The following GRK1 variants were observed in gnomAD, a reference collection of about 807,000 sequenced individuals.
GRK1 encodes the protein G protein-coupled receptor kinase 1.
In GRK1, 28 loss-of-function variants were observed where a neutral mutation model predicts 41.7. The observed-to-expected ratio is 0.67, with a 90% CI of 0.50 to 0.92. The LOEUF is 0.92. Ranked by LOEUF, GRK1 falls within the 40% of genes least tolerant of loss-of-function variation. The probability of loss-of-function intolerance (pLI) is 0.00; values close to 1 mark genes in which losing one functional copy is unlikely to be tolerated. For synonymous variants in GRK1, 327 were observed against 286.7 expected (o/e 1.14, Z -1.42); for missense variants, 703 against 671.2 (o/e 1.05, Z -0.52).
chr13:113,651,821 C>T, the GRK1 span: 4 of 1,452,432 alleles, frequency 2.8e-6, 1 homozygote, highest in South Asian at 5.3e-5. Flanking sequence ...CTGGCCGGCC[C>T]CAGCCTGGGC....
chr13:113,733,624 T>G (rs529746331), intron 6 of GRK1, among the ~76,000 whole-genome samples: 1 of 150,190 alleles, frequency 6.7e-6, no homozygotes, highest in Non-Finnish European at 1.5e-5. Flanking sequence ...TGTGTGTGCA[T>G]ACGTGTGTGC....
At chr13:113,658,604 G>A in the GRK1 span, among the ~76,000 whole-genome samples, 6 of 152,200 alleles carry the variant, frequency 3.9e-5, no homozygotes, top group South Asian at 2.1e-4. Context: ...TGAGGCAGGC[G>A]AGTGAGGGGC....
the GRK1 span, chr13:113,649,168 G>GT: frequency 8.4e-6 from 4 of 477,090 alleles, no homozygotes; most frequent in Non-Finnish European, 1.4e-5. The surrounding 1 kb of genome is among the most constrained non-coding windows in gnomAD (Gnocchi z 4.7). Flanking sequence ...TCTAAAAACT[G>GT]TAAGAATTCA....
At chr13:113,653,444 G>C in the GRK1 span, 1 of 1,609,850 alleles carries the variant, frequency 6.2e-7, no homozygotes, top group East Asian at 2.2e-5. Context: ...CCTGGAGAGA[G>C]AGACCTTTGT....
rs1170762509 is a variant in GRK1, at chr13:113,733,839, G to A, written c.1396+754G>A. Among the ~76,000 whole-genome samples the A allele has an allele frequency of 8.5e-5, 11 of 129,102 alleles. 1 individual carries two copies. The highest frequency in any genetic ancestry group is 2.6e-4 in the South Asian group (1 of 3,816). The allele number at this position is 129,102 out of a possible 152,430, so 84.7% of individuals were successfully genotyped here. On this transcript the variant is annotated intron_variant, in intron 6 of 6. Coordinates refer to ENST00000335678, the MANE Select transcript of GRK1 (RefSeq NM_002929.3). ...CGTGTGTGCGTGTGTGTGCACGTGC[G>A]TGTGCATGTGTATGTGTGCATACGT...
intron 4 of GRK1, among the ~76,000 whole-genome samples, chr13:113,724,112 C>T (rs2049875144): frequency 6.6e-6 from 1 of 152,154 alleles, no homozygotes; most frequent in Admixed American, 6.5e-5. Context: ...GCTCGCAGCA[C>T]CTGTGGAGGA....
At chr13:113,672,118 C>T (rs1263479561) in intron 3 of GRK1, among the ~76,000 whole-genome samples, 4 of 152,008 alleles carry the variant, frequency 2.6e-5, no homozygotes, top group African/African-American at 9.7e-5. Flanking sequence ...ACACCCTGCG[C>T]CCTCCACCGT....
chr13:113,732,231 A>G (rs1214112849), intron 5 of GRK1, among the ~76,000 whole-genome samples: 1 of 152,088 alleles, frequency 6.6e-6, no homozygotes, highest in Non-Finnish European at 1.5e-5. Flanking sequence ...TCGCCCCCTC[A>G]ATGCCACCTG....
In GRK1 at chr13:113,671,611, G is replaced by C; in HGVS notation, c.940G>C (p.Val314Leu). The C allele has an allele frequency of 3.9e-6, 3 of 771,928 alleles. No individual in the cohort carries two copies. Among genetic ancestry groups the C allele is most frequent in the Non-Finnish European group, 7.2e-6 (3 of 417,764 alleles). 47.8% of individuals were successfully genotyped at this position (771,928 alleles called of 1,614,324 possible). A position where few individuals can be genotyped will look rare whatever the true frequency, so the allele number is the denominator to read the frequency against. The change falls in exon 3 of 7, where the codon GTC becomes CTC. Residue 314 changes from valine (V) to leucine (L), a missense_variant. Coordinates refer to ENST00000335678, the MANE Select transcript of GRK1 (RefSeq NM_002929.3). This position sits in a 1 kb window ranked among gnomAD's most constrained non-coding sequence, Gnocchi z 4.1. ...GLEHLHQRRI[V>L]YRDLKPENVL... is the part of the protein sequence containing the mutation. ...GGAGCACCTGCACCAGAGGCGGATCGTCTACCGCGACCTCAAGCCCGAGAA... is the reference window on the plus strand; with the variant it reads ...GGAGCACCTGCACCAGAGGCGGATCCTCTACCGCGACCTCAAGCCCGAGAA...
rs141102569 is a variant in GRK1, at chr13:113,735,745, T to C, written c.*382T>C. ...TTTTGGCCTCCCAAGACCTTAGCCA[T>C]TGGCTTCCCAGAGCCACGCTCCTCA... On this transcript the variant is annotated 3_prime_UTR_variant, in exon 7 of 7. Transcript: ENST00000335678. 34,328 of 167,812 alleles carry C rather than the reference T, an allele frequency of 0.2. 4,495 individuals carry two copies. Among genetic ancestry groups the C allele is most frequent in the African/African-American group, 0.37 (15,600 of 42,126 alleles). The allele number at this position is 167,812 out of a possible 1,614,324, so 10.4% of individuals were successfully genotyped here.
chr13:113,668,096 C>T lies in GRK1; in HGVS notation c.699+11C>T, dbSNP rs375077035. 53 of 1,592,818 alleles carry T rather than the reference C, an allele frequency of 3.3e-5. No homozygotes were observed. The highest frequency in any genetic ancestry group is 1.1e-4 in the East Asian group (5 of 43,884). On this transcript the variant is annotated intron_variant, in intron 1 of 6. Transcript: ENST00000335678. ...AGGAAGGGCTACCAGGTGAGCAGCGCGACCCGGCCAGCAGGGATGGGGTGG... is the reference window on the plus strand; with the variant it reads ...AGGAAGGGCTACCAGGTGAGCAGCGTGACCCGGCCAGCAGGGATGGGGTGG...
At chr13:113,664,388 A>G (rs143601821), upstream of GRK1, among the ~76,000 whole-genome samples, 1 of 152,312 alleles carries the variant, frequency 6.6e-6, no homozygotes, top group African/African-American at 2.4e-5. The surrounding 1 kb of genome is among the most constrained non-coding windows in gnomAD (Gnocchi z 5.4). Context: ...GTTTCTTAAC[A>G]TGGCATGTAA....
intron 6 of GRK1, 179 bp from the exon 7 acceptor site, chr13:113,734,889 A>G: frequency 1.8e-6 from 1 of 552,490 alleles, no homozygotes; most frequent in South Asian, 3.4e-5. Context: ...TCTCAGGGGA[A>G]CCCAGGGGCC....
At chr13:113,733,916 GCGTGTGTGCATGTGTGCATA>G (rs1240501700) in intron 6 of GRK1, among the ~76,000 whole-genome samples, 3 of 107,174 alleles carry the variant, frequency 2.8e-5, no homozygotes, top group Middle Eastern at 6.9e-3. Flanking sequence ...CATACAGTGT[GCGTGTGTGCATGTGTGCATA>G]CGTGTGTGCG....
the GRK1 span, among the ~76,000 whole-genome samples, chr13:113,652,430 A>T: frequency 1.3e-5 from 2 of 152,158 alleles, no homozygotes; most frequent in African/African-American, 2.4e-5. Context: ...CTTGGCCAGG[A>T]CCTGCCCTGC....
At chr13:113,733,162 C>T (rs992729344) in intron 6 of GRK1, 77 bp downstream of exon 6, 2 of 1,415,688 alleles carry the variant, frequency 1.4e-6, no homozygotes, top group African/African-American at 2.9e-5. Flanking sequence ...CCGGTCCAGC[C>T]TGTGAGAGTC....
chr13:113,649,920 T>C, the GRK1 span, among the ~76,000 whole-genome samples: 2 of 152,266 alleles, frequency 1.3e-5, no homozygotes, highest in East Asian at 1.9e-4. This position sits in a 1 kb window ranked among gnomAD's most constrained non-coding sequence, Gnocchi z 4.7. Context: ...CCTAGCACTT[T>C]GGGAGCCTGA....
At chr13:113,660,061 T>G in the GRK1 span, among the ~76,000 whole-genome samples, 2 of 152,248 alleles carry the variant, frequency 1.3e-5, no homozygotes, top group East Asian at 1.9e-4. Flanking sequence ...GACCTTCTTC[T>G]GGACACATAC....
At chr13:113,733,676 TGTGC>T (rs2049961149) in intron 6 of GRK1, among the ~76,000 whole-genome samples, 1 of 145,592 alleles carries the variant, frequency 6.9e-6, no homozygotes, top group African/African-American at 2.6e-5. Context: ...TGTGCACGTG[TGTGC>T]ATGTATGTGT....
Sources: gnomAD v4.1 joint callset for allele counts (sites outside exome capture counted in the v4.1 genomes callset) on GRCh38, gnomAD v4.1.1 for gene constraint, Gnocchi (gnomAD v3.1) non-coding constraint, MANE v1.5 for transcripts, NCBI Gene and HGNC (gene_info 2026-07-23, HGNC 2026-07-21) for gene names.